PRLR: variants seen among roughly 807,000 people sequenced by gnomAD.
PRLR encodes the protein hPRL receptor.
Under a neutral mutation model 40.2 loss-of-function variants are expected in PRLR, and 13 were observed. That is an observed-to-expected ratio of 0.32 (90% CI 0.21 to 0.51). The LOEUF (loss-of-function observed/expected upper bound fraction) is 0.51. PRLR is among the 20% of genes least tolerant of loss of function. PRLR has a pLI of 0.97. For synonymous variants in PRLR, 269 were observed against 278.7 expected (o/e 0.97, Z 0.35); for missense variants, 656 against 747.3 (o/e 0.88, Z 1.42).
At chr5:35,052,279 C>A (rs967783538), downstream of PRLR, among the ~76,000 whole-genome samples, 1 of 152,062 alleles carries the variant, frequency 6.6e-6, no homozygotes, top group Non-Finnish European at 1.5e-5. Flanking sequence ...GGTACTTTAA[C>A]CTTAAAATAT....
intron 6 of PRLR, among the ~76,000 whole-genome samples, chr5:35,071,038 CA>C: frequency 6.6e-6 from 1 of 152,184 alleles, no homozygotes; most frequent in Admixed American, 6.5e-5. Context: ...GTCATCTCCT[CA>C]ATTCAGGGGC....
At chr5:35,122,636 A>G (rs1003160389) in intron 1 of PRLR, among the ~76,000 whole-genome samples, 1 of 152,196 alleles carries the variant, frequency 6.6e-6, no homozygotes, top group African/African-American at 2.4e-5. Context: ...TGTCAGATAA[A>G]CTCAGATTCA....
Position 35,057,496 on chromosome 5 carries a change from G to C in PRLR, c.*7593C>G, listed in dbSNP as rs1263511528. On this transcript the variant is annotated 3_prime_UTR_variant, in exon 10 of 10. Coordinates refer to ENST00000618457, the MANE Select transcript of PRLR (RefSeq NM_000949.7). ...AGAAATATAACTAACATATTATATTGGGATGTCTAAGATTTTGTTTGGCAG... is the reference window on the plus strand; with the variant it reads ...AGAAATATAACTAACATATTATATTCGGATGTCTAAGATTTTGTTTGGCAG... 6.6e-6 allele frequency: 1 copy of C among 152,074 alleles called. No individual in the cohort carries two copies. Among genetic ancestry groups the C allele is most frequent in the East Asian group, 1.9e-4 (1 of 5,204 alleles). The allele number at this position is 152,074 out of a possible 1,614,324, so 9.4% of individuals were successfully genotyped here.
intron 5 of PRLR, among the ~76,000 whole-genome samples, chr5:35,084,161 A>G (rs1305954690): frequency 2.0e-5 from 3 of 152,198 alleles, no homozygotes; most frequent in Non-Finnish European, 4.4e-5. Flanking sequence ...AGAAGCGGAC[A>G]TCAATTGCAA....
rs1271454762 is a variant in PRLR, at chr5:35,060,541, C to T, written c.*4548G>A. ...GGTCTTAGAAACCTTTTAGGCCAAC[C>T]TACTTATTTAACAAGTAAGGAACCT... On this transcript the variant is annotated 3_prime_UTR_variant, in exon 10 of 10. Transcript: ENST00000618457. 3.3e-5 allele frequency: 5 copies of T among 152,168 alleles called. No individual in the cohort carries two copies. The highest frequency in any genetic ancestry group is 5.9e-5 in the Non-Finnish European group (4 of 68,042). The allele number at this position is 152,168 out of a possible 1,614,324, so 9.4% of individuals were successfully genotyped here.
intron 1 of PRLR, among the ~76,000 whole-genome samples, chr5:35,192,357 GC>G (rs778191790): frequency 2.0e-5 from 3 of 152,092 alleles, no homozygotes; most frequent in Non-Finnish European, 2.9e-5. Context: ...TCAGCTCTGT[GC>G]CCTCCTCTCT....
rs1185574788 is a variant in PRLR at position 35,065,815 on chromosome 5, C to T, written c.1143G>A (p.Glu381=). 1.2e-6 allele frequency: 2 copies of T among 1,614,012 alleles called. No individual in the cohort carries two copies. Among genetic ancestry groups the T allele is most frequent in the South Asian group, 2.2e-5 (2 of 91,088 alleles). ...GGGTTGTTTCAGGATTCTCTGGCTT[C>T]TCAATGACCTCAGGATCATAGAATG... ...PSTFYDPEVI[E]KPENPETTHT... Residue 381 remains glutamate (E), a synonymous_variant, in exon 10 of 10, where the codon GAG becomes GAA. Coordinates refer to ENST00000618457, the MANE Select transcript of PRLR (RefSeq NM_000949.7).
intron 5 of PRLR, among the ~76,000 whole-genome samples, chr5:35,083,420 ATCTC>A (rs374463454): frequency 7.0e-6 from 1 of 143,070 alleles, no homozygotes; most frequent in Non-Finnish European, 1.5e-5. Flanking sequence ...GAGGTGATAA[ATCTC>A]TCTCTCTCTC....
intron 2 of PRLR, among the ~76,000 whole-genome samples, chr5:35,104,865 A>C (rs1245124708): frequency 6.6e-6 from 1 of 152,164 alleles, no homozygotes; most frequent in Non-Finnish European, 1.5e-5. Context: ...AGCTTTGAAG[A>C]AAGTAGTGGT....
In PRLR at chr5:35,089,614, C is replaced by T; in HGVS notation, c.7G>A (p.Glu3Lys). ...AAAACGGTTGCAGATGCCACATTTT[C>T]CTTCATGTTGGCTGCCTTCTCTTGC... MK[E>K]NVASATVFTL... Residue 3 changes from glutamate to lysine, a missense_variant, in exon 3 of 10, where the codon GAA (glutamate) becomes AAA (lysine). Physicochemically the swap from Glu to Lys is moderately conservative, Grantham distance 56. Around this residue, in one of 3 missense-constraint regions of PRLR, gnomAD observed 180 missense variants for 236.8 expected, o/e 0.76. Coordinates refer to ENST00000618457, the MANE Select transcript of PRLR (RefSeq NM_000949.7). 1 of 1,614,014 alleles carries T rather than the reference C, an allele frequency of 6.2e-7. No homozygotes were observed. The highest frequency in any genetic ancestry group is 8.5e-7 in the Non-Finnish European group (1 of 1,179,924).
At chr5:35,048,996 A>C in exon 9 of PRLR, 1 of 446,540 alleles carries the variant, frequency 2.2e-6, no homozygotes, top group Non-Finnish European at 4.4e-6. Flanking sequence ...CTGCATAACA[A>C]CCTTTTACTC....
chr5:35,072,322 C>G (rs1342044172), intron 6 of PRLR, among the ~76,000 whole-genome samples: 1 of 152,098 alleles, frequency 6.6e-6, no homozygotes. Context: ...CTAAAATGTA[C>G]TAAGGGAGGC....
Position 35,064,474 on chromosome 5 carries a change from AT to A in PRLR, c.*614del, listed in dbSNP as rs1769228243. 6.6e-6 allele frequency: 1 copy of A among 152,644 alleles called. No individual in the cohort carries two copies. Among genetic ancestry groups the A allele is most frequent in the Admixed American group, 6.5e-5 (1 of 15,280 alleles). 9.5% of individuals were successfully genotyped at this position (152,644 alleles called of 1,614,324 possible). On this transcript the variant is annotated 3_prime_UTR_variant, in exon 10 of 10. Transcript: ENST00000618457. Reference sequence around the variant, plus strand: ...AGAGTAGAATTTAGGGGGAAAATCCATGCTTAACATATCTAAACTATTTTAA... The same window carrying A: ...AGAGTAGAATTTAGGGGGAAAATCCAGCTTAACATATCTAAACTATTTTAA...
chr5:35,172,554 C>T (rs555200751), intron 1 of PRLR, among the ~76,000 whole-genome samples: 11 of 152,292 alleles, frequency 7.2e-5, no homozygotes, highest in African/African-American at 2.2e-4. Context: ...GCTCTGGAAC[C>T]GTACAGTTGC....
At chr5:35,176,019 T>A (rs1381534280) in intron 1 of PRLR, among the ~76,000 whole-genome samples, 1 of 152,216 alleles carries the variant, frequency 6.6e-6, no homozygotes, top group Non-Finnish European at 1.5e-5. Context: ...ATATTTCATG[T>A]AATATCATGT....
At chr5:35,180,746 C>T (rs1398551132) in intron 1 of PRLR, among the ~76,000 whole-genome samples, 2 of 152,166 alleles carry the variant, frequency 1.3e-5, no homozygotes, top group South Asian at 2.1e-4. Flanking sequence ...TCTCCCCACC[C>T]CATGACAGGC....
intron 1 of PRLR, among the ~76,000 whole-genome samples, chr5:35,158,776 G>A (rs1774585854): frequency 6.6e-6 from 1 of 152,100 alleles, no homozygotes; most frequent in Non-Finnish European, 1.5e-5. Context: ...AAGGAACTTA[G>A]GAGCCTGGAA....
chr5:35,185,926 C>G (rs572955739), intron 1 of PRLR, among the ~76,000 whole-genome samples: 1 of 151,944 alleles, frequency 6.6e-6, no homozygotes, highest in South Asian at 2.1e-4. Context: ...TTCTCTGATT[C>G]GTCGAATGTC....
exon 9 of PRLR, chr5:35,049,345 A>G: frequency 1.4e-6 from 1 of 702,996 alleles, no homozygotes; most frequent in Non-Finnish European, 2.6e-6. Flanking sequence ...TTGACTTGAG[A>G]TTTTTCTTGG....
Sources: allele counts gnomAD v4.1 joint callset (sites outside exome capture counted in the v4.1 genomes callset), GRCh38; gene constraint gnomAD v4.1.1; regional missense constraint gnomAD v4.1.1; transcripts MANE v1.5; gene names NCBI Gene and HGNC (gene_info 2026-07-23, HGNC 2026-07-21).